The following MEI1 variants were observed in gnomAD, a reference collection of about 807,000 sequenced individuals.
The protein encoded by MEI1 is meiotic double-stranded break formation protein 1, also known as meiosis inhibitor protein 1.
A neutral mutation model predicts 146.2 loss-of-function variants in MEI1; 103 were observed. The observed-to-expected ratio is 0.70, with a 90% CI of 0.60 to 0.83. MEI1 has a LOEUF of 0.83. Among genes scored for constraint, MEI1 ranks in the 40% least tolerant of loss-of-function variants. The pLI is 0.00. For missense variants in MEI1, 1,529 were observed against 1,533.0 expected (o/e 1.00, Z 0.04); for synonymous variants, 652 against 628.2 (o/e 1.04, Z -0.57).
chr22:41,778,817 C>G lies in MEI1; in HGVS notation c.2815+5C>G. On this transcript the variant is annotated splice_donor_5th_base_variant and intron_variant, in intron 22 of 30. Coordinates refer to ENST00000401548, the MANE Select transcript of MEI1 (RefSeq NM_152513.4). ...CCATGAAGCTCCTTCACCAAGGTGC[C>G]CTGGCTGCTTGGGATAGCGCCCAAG... The G allele has an allele frequency of 1.9e-6, 3 of 1,595,518 alleles. No homozygotes were observed. The highest frequency in any genetic ancestry group is 1.1e-5 in the South Asian group (1 of 87,888).
Position 41,758,792 on chromosome 22 carries a change from G to GA in MEI1, c.2120+266dup, listed in dbSNP as rs568275799. On this transcript the variant is annotated intron_variant, in intron 18 of 30. Coordinates refer to ENST00000401548, the MANE Select transcript of MEI1 (RefSeq NM_152513.4). ...TCCTTGAGGGTGTTGTTTGTCCACA[G>GA]AAAAAAACTTCAGTAGGTTACTTTG... Among the ~76,000 whole-genome samples the GA allele has an allele frequency of 2.0e-4, 31 of 152,260 alleles. 2 individuals are homozygous for GA. The East Asian group carries it at 6.0e-3, about 29-fold the overall frequency.
At chr22:41,768,160 T>C (rs1430115565) in intron 19 of MEI1, among the ~76,000 whole-genome samples, 1 of 152,144 alleles carries the variant, frequency 6.6e-6, no homozygotes, top group African/African-American at 2.4e-5. Flanking sequence ...GGCGGGCGGA[T>C]TGACTGAGCT....
At chr22:41,700,391 C>T (rs1029163784) in intron 1 of MEI1, among the ~76,000 whole-genome samples, 2 of 152,244 alleles carry the variant, frequency 1.3e-5, no homozygotes, top group East Asian at 1.9e-4. Context: ...AGTGCAATGG[C>T]GCCATCTCCG....
intron 30 of MEI1, 80 bp from the exon 31 acceptor site, chr22:41,799,170 TTGAC>T: frequency 7.5e-7 from 1 of 1,329,144 alleles, no homozygotes; most frequent in South Asian, 1.2e-5. Flanking sequence ...CTGACCATTC[TTGAC>T]TGTTTTGGGC....
rs989022754 is a variant in MEI1, at chr22:41,745,778, T to C, written c.1539-107T>C. ...CTCCCAGTCTGATAATAGAGATACT[T>C]TCCCTGGACCCTGAGCACAGGCACT... is the stretch of plus-strand genomic sequence containing the variant. On this transcript the variant is annotated intron_variant, in intron 13 of 30. Coordinates refer to ENST00000401548, the MANE Select transcript of MEI1 (RefSeq NM_152513.4). 1.1e-5 allele frequency: 13 copies of C among 1,137,998 alleles called. 1 individual carries two copies. The South Asian group carries it at 2.0e-4, about 18-fold the overall frequency. The allele number at this position is 1,137,998 out of a possible 1,614,324, so 70.5% of individuals were successfully genotyped here. A position where few individuals can be genotyped will look rare whatever the true frequency, so the allele number is the denominator to read the frequency against.
Position 41,732,310 on chromosome 22 carries a change from C to A in MEI1, c.1162C>A (p.Gln388Lys). The A allele has an allele frequency of 1.2e-6, 2 of 1,612,650 alleles. No individual in the cohort carries two copies. Among genetic ancestry groups the A allele is most frequent in the Non-Finnish European group, 1.7e-6 (2 of 1,179,418 alleles). ...LKMNNIELHKQGLLLFAEILT... is the reference protein window; with the variant it reads ...LKMNNIELHKKGLLLFAEILT... ...GATGAACAACATAGAGCTGCACAAGCAGGGCCTGCTGCTTTTCGCTGAAAT... is the reference window on the plus strand; with the variant it reads ...GATGAACAACATAGAGCTGCACAAGAAGGGCCTGCTGCTTTTCGCTGAAAT... The change falls in exon 10 of 31, where the codon CAG becomes AAG. Residue 388 changes from glutamine (Q) to lysine (K), a missense_variant. By Grantham distance (53) the Gln-to-Lys change is moderately conservative (BLOSUM62 1). Coordinates refer to ENST00000401548, the MANE Select transcript of MEI1 (RefSeq NM_152513.4).
chr22:41,731,051 CTTTTTTTT>C, intron 9 of MEI1, among the ~76,000 whole-genome samples: 1 of 117,124 alleles, frequency 8.5e-6, no homozygotes, highest in African/African-American at 3.7e-5. Flanking sequence ...TTGTCTGGGA[CTTTTTTTT>C]TTTTTTTTTT....
chr22:41,766,533 A>C (rs1307350473), intron 19 of MEI1, among the ~76,000 whole-genome samples: 1 of 150,656 alleles, frequency 6.6e-6, no homozygotes, highest in Non-Finnish European at 1.5e-5. Context: ...TCTTTTTATT[A>C]TTCATTTTAC....
chr22:41,740,523 C>T (rs1333949668), intron 11 of MEI1, among the ~76,000 whole-genome samples: 2 of 152,014 alleles, frequency 1.3e-5, no homozygotes, highest in African/African-American at 4.8e-5. Flanking sequence ...TGGAGGATCG[C>T]TTCAGCTCAG....
At position 41,795,417 on chromosome 22, in the gene MEI1, C is replaced by T. The variant is rs759457310; in HGVS notation, c.3541C>T (p.Arg1181Trp). 6.2e-6 allele frequency: 10 copies of T among 1,613,520 alleles called. No homozygotes were observed. Among genetic ancestry groups the T allele is most frequent in the East Asian group, 2.2e-5 (1 of 44,838 alleles). Residue 1181 changes from arginine (R) to tryptophan (W), a missense_variant, in exon 29 of 31, where the codon CGG becomes TGG. Around this residue, in one of 3 missense-constraint regions of MEI1, gnomAD observed 313 missense variants for 337.3 expected, o/e 0.93. Coordinates refer to ENST00000401548, the MANE Select transcript of MEI1 (RefSeq NM_152513.4). The surrounding 1 kb of genome is among the most constrained non-coding windows in gnomAD (Gnocchi z 4.2). ...GTTTCTCTTCCTGGGCCAGTTTATG[C>T]GGTACCGGAGTAGCAGTGTCCTCTC... ...EILRLMTLFM[R>W]YRSSSVLSHE...
chr22:41,790,773 A>G (rs2076151459), intron 26 of MEI1, among the ~76,000 whole-genome samples: 1 of 151,934 alleles, frequency 6.6e-6, no homozygotes, highest in Admixed American at 6.6e-5. Flanking sequence ...TTGTATTTTT[A>G]GTAGAGACAA....
chr22:41,759,637 AAAT>A (rs1322511569), intron 18 of MEI1, among the ~76,000 whole-genome samples: 2 of 24,050 alleles, frequency 8.3e-5, no homozygotes, highest in South Asian at 3.2e-3. Flanking sequence ...CTCAAAAAAT[AAAT>A]AAATAAATAA....
intron 26 of MEI1, among the ~76,000 whole-genome samples, chr22:41,789,971 C>T (rs997895820): frequency 1.3e-5 from 2 of 152,208 alleles, no homozygotes; most frequent in African/African-American, 4.8e-5. Flanking sequence ...ATTTCCTGGC[C>T]TTCTTTGTTC....
At chr22:41,792,580 G>A (rs1270418076) in intron 26 of MEI1, among the ~76,000 whole-genome samples, 4 of 152,050 alleles carry the variant, frequency 2.6e-5, no homozygotes, top group Non-Finnish European at 5.9e-5. Context: ...GGGGTGAAGG[G>A]GCAGGTCAGT....
chr22:41,717,833 C>G (rs1382057751), intron 5 of MEI1, among the ~76,000 whole-genome samples: 3 of 152,036 alleles, frequency 2.0e-5, no homozygotes, highest in African/African-American at 7.3e-5. Context: ...CCAGGCTGGT[C>G]TCGAACTCCT....
At chr22:41,792,811 G>C (rs894132111) in intron 26 of MEI1, among the ~76,000 whole-genome samples, 1 of 151,844 alleles carries the variant, frequency 6.6e-6, no homozygotes, top group Non-Finnish European at 1.5e-5. Context: ...ATTGGTAGAT[G>C]TACAGGGGTA....
chr22:41,745,780 C>A (rs2073236961), intron 13 of MEI1, 105 bp from the exon 14 acceptor site: 4 of 1,158,098 alleles, frequency 3.5e-6, no homozygotes, highest in South Asian at 1.7e-5. Context: ...GAGATACTTT[C>A]CCTGGACCCT....
In MEI1 at chr22:41,732,475, AGAG is replaced by A. The variant is rs1366090154; in HGVS notation, c.1207_1209del (p.Glu403del). 1 of 1,613,940 alleles carries A rather than the reference AGAG, an allele frequency of 6.2e-7. No individual in the cohort carries two copies. The highest frequency in any genetic ancestry group is 2.2e-5 in the East Asian group (1 of 44,878). ...CTCATCTTCCATTTCTCAGGCAGCC[AGAG>A]GAGATCAAGCTGTTCACAAGCTCAG... On this transcript the variant is annotated inframe_deletion, in exon 11 of 31. Transcript: ENST00000401548.
chr22:41,735,812 C>T (rs2072313855), intron 11 of MEI1, among the ~76,000 whole-genome samples: 1 of 152,190 alleles, frequency 6.6e-6, no homozygotes. Flanking sequence ...GCCTCTAGCC[C>T]TGGTTCTCTT....
Sources: gnomAD v4.1 joint callset for allele counts (sites outside exome capture counted in the v4.1 genomes callset) on GRCh38, gnomAD v4.1.1 for gene constraint, gnomAD v4.1.1 regional missense constraint, Gnocchi (gnomAD v3.1) non-coding constraint, MANE v1.5 for transcripts, NCBI Gene and HGNC (gene_info 2026-07-23, HGNC 2026-07-21) for gene names.